Variants in ADARB1 observed in about 807,000 individuals in gnomAD.
ADARB1 encodes adenosine deaminase RNA specific B1, also known as double-stranded RNA-specific editase 1.
In ADARB1, 10 loss-of-function variants were observed where a neutral mutation model predicts 52.4. The observed-to-expected ratio is 0.19, with a 90% CI of 0.12 to 0.32. The LOEUF (loss-of-function observed/expected upper bound fraction) is 0.32, where lower values mean the gene tolerates loss of function less well. Ranked by LOEUF, ADARB1 falls within the 10% of genes least tolerant of loss-of-function variation. The pLI, the probability that ADARB1 is intolerant of heterozygous loss-of-function variation, is 1.00. For missense variants in ADARB1, 643 were observed against 922.3 expected (o/e 0.70, Z 3.92); for synonymous variants, 349 against 371.1 (o/e 0.94, Z 0.68).
At chr21:45,171,754 T>G in intron 3 of ADARB1, 70 bp downstream of exon 3, 1 of 1,409,840 alleles carries the variant, frequency 7.1e-7, no homozygotes, top group Non-Finnish European at 9.9e-7. Flanking sequence ...TTTTTGCAAA[T>G]GTATTTCATG....
At chr21:45,158,441 A>G (rs2090782381) in intron 2 of ADARB1, among the ~76,000 whole-genome samples, 2 of 152,224 alleles carry the variant, frequency 1.3e-5, no homozygotes, top group Admixed American at 6.5e-5. Context: ...TGTTAGGTGT[A>G]AAATATATAG....
At chr21:45,182,527 A>G (rs2091964847) in intron 5 of ADARB1, 58 bp from the exon 6 acceptor site, 4 of 1,549,020 alleles carry the variant, frequency 2.6e-6, no homozygotes, top group African/African-American at 1.4e-5. Context: ...TCAGGAGCAC[A>G]GTTAGGCAAA....
intron 9 of ADARB1, among the ~76,000 whole-genome samples, chr21:45,215,335 A>C (rs557437027): frequency 6.6e-5 from 10 of 152,138 alleles, no homozygotes; most frequent in Non-Finnish European, 1.2e-4. Context: ...GGAATGATCC[A>C]CCATATCTGG....
intron 1 of ADARB1, among the ~76,000 whole-genome samples, chr21:45,113,121 A>G (rs1489154038): frequency 6.6e-6 from 1 of 152,066 alleles, no homozygotes; most frequent in East Asian, 1.9e-4. Flanking sequence ...GTGATAGTGA[A>G]TTTTAAAATA....
At chr21:45,179,114 C>G (rs1041848846) in intron 4 of ADARB1, among the ~76,000 whole-genome samples, 4 of 152,090 alleles carry the variant, frequency 2.6e-5, no homozygotes, top group African/African-American at 9.7e-5. Flanking sequence ...AATGCGTCGC[C>G]CCTTCCCTCT....
intron 1 of ADARB1, among the ~76,000 whole-genome samples, chr21:45,092,514 A>T (rs1233972710): frequency 1.3e-5 from 2 of 152,176 alleles, no homozygotes; most frequent in African/African-American, 2.4e-5. Context: ...CCAAATCTTA[A>T]TCCTGGTAGG....
At chr21:45,123,295 A>G (rs75575265) in intron 1 of ADARB1, among the ~76,000 whole-genome samples, 9,813 of 118,070 alleles carry the variant, frequency 0.083, 373 homozygotes, top group East Asian at 0.19. Context: ...GTGTGTGTGT[A>G]TAATTAATTA....
At position 45,222,789 on chromosome 21, in the gene ADARB1, G is replaced by A; in HGVS notation, c.*592G>A. The A allele has an allele frequency of 1.0e-6, 1 of 985,596 alleles. No homozygotes were observed. Among genetic ancestry groups the A allele is most frequent in the Non-Finnish European group, 1.2e-6 (1 of 830,088 alleles). The allele number at this position is 985,596 out of a possible 1,614,324, so 61.1% of individuals were successfully genotyped here. On this transcript the variant is annotated 3_prime_UTR_variant, in exon 11 of 11. Coordinates refer to ENST00000348831, the MANE Select transcript of ADARB1 (RefSeq NM_001112.4). ...CCTCCCTGGGTAGTTCCACACACTAGGTTGTAACAGTCTCTCCCTGAGGAG... is the reference window on the plus strand; with the variant it reads ...CCTCCCTGGGTAGTTCCACACACTAAGTTGTAACAGTCTCTCCCTGAGGAG...
chr21:45,195,350 G>C (rs1336651219), intron 8 of ADARB1, among the ~76,000 whole-genome samples: 2 of 152,066 alleles, frequency 1.3e-5, no homozygotes, highest in African/African-American at 4.8e-5. Context: ...TTTTCTCCTA[G>C]TCTGTGGCTT....
Position 45,155,266 on chromosome 21 carries a change from C to T in ADARB1, c.-47-16344C>T, listed in dbSNP as rs144939946. ...AGGTCCAAACGTAGAGAGGCCTGCT[C>T]CCCCTGAGTACTTCTGGAGGAGAAG... On this transcript the variant is annotated intron_variant, in intron 2 of 10. Transcript: ENST00000348831. Among the ~76,000 whole-genome samples, 793 of 152,230 alleles carry T rather than the reference C, an allele frequency of 5.2e-3. 4 individuals carry two copies. Among genetic ancestry groups the T allele is most frequent in the Non-Finnish European group, 8.1e-3 (548 of 67,988 alleles).
chr21:45,174,682 AATAC>A (rs59024130), intron 3 of ADARB1, among the ~76,000 whole-genome samples: 58,040 of 148,626 alleles, frequency 0.39, 11,468 homozygotes, highest in Middle Eastern at 0.43. Flanking sequence ...CAGTCTCAAA[AATAC>A]ATACATACAT....
chr21:45,084,451 G>T (rs761174828), intron 1 of ADARB1, among the ~76,000 whole-genome samples: 1 of 152,212 alleles, frequency 6.6e-6, no homozygotes, highest in African/African-American at 2.4e-5. Context: ...TAGGAGGCAG[G>T]ATTGAGAGAG....
chr21:45,183,277 G>T, intron 6 of ADARB1, 85 bp from the exon 7 acceptor site: 1 of 1,320,024 alleles, frequency 7.6e-7, no homozygotes. Flanking sequence ...TTCCCTTGTG[G>T]AAAATACTAG....
At chr21:45,188,358 C>T (rs969140928) in intron 8 of ADARB1, among the ~76,000 whole-genome samples, 32 of 152,310 alleles carry the variant, frequency 2.1e-4, no homozygotes, top group Middle Eastern at 3.4e-3. Flanking sequence ...TCACCTGCCT[C>T]GGCCTCCCAA....
rs1164519974 is a variant in ADARB1 at position 45,224,117 on chromosome 21, CTG to C, written c.*1923_*1924del. Reference sequence around the variant, plus strand: ...ACTCTAGAAAAAACACCTTGTAAGTCTGTGCATTTTTATTGTCTTGATAAATT... The same window carrying C: ...ACTCTAGAAAAAACACCTTGTAAGTCTGCATTTTTATTGTCTTGATAAATT... On this transcript the variant is annotated 3_prime_UTR_variant, in exon 11 of 11. Coordinates refer to ENST00000348831, the MANE Select transcript of ADARB1 (RefSeq NM_001112.4). The C allele has an allele frequency of 3.0e-6, 3 of 985,406 alleles. No individual in the cohort carries two copies. Among genetic ancestry groups the C allele is most frequent in the Middle Eastern group, 5.2e-4 (1 of 1,914 alleles). 61.0% of individuals were successfully genotyped at this position (985,406 alleles called of 1,614,324 possible).
intron 8 of ADARB1, among the ~76,000 whole-genome samples, chr21:45,188,882 A>G (rs1013491931): frequency 6.6e-6 from 1 of 152,204 alleles, no homozygotes; most frequent in Non-Finnish European, 1.5e-5. Context: ...TTTACAAAAG[A>G]AAGAGGTTTA....
In ADARB1 at chr21:45,138,338, C is replaced by G. The variant is rs150419299; in HGVS notation, c.-48+9765C>G. Among the ~76,000 whole-genome samples the G allele has an allele frequency of 2.4e-3, 365 of 152,340 alleles. 13 individuals are homozygous for G. The East Asian group carries it at 0.065, about 27-fold the overall frequency. On this transcript the variant is annotated intron_variant, in intron 2 of 10. Coordinates refer to ENST00000348831, the MANE Select transcript of ADARB1 (RefSeq NM_001112.4). ...AAGGTCACAGCATGACTCACAGTAT[C>G]TTACACACCTTGGATGTATATACGC...
intron 1 of ADARB1, among the ~76,000 whole-genome samples, chr21:45,114,843 T>C (rs1392383950): frequency 1.3e-5 from 2 of 152,246 alleles, no homozygotes; most frequent in South Asian, 2.1e-4. Flanking sequence ...CTTGAGATGC[T>C]GCAGGGTGAC....
chr21:45,135,781 G>T (rs2089326370), intron 2 of ADARB1, among the ~76,000 whole-genome samples: 1 of 152,214 alleles, frequency 6.6e-6, no homozygotes, highest in African/African-American at 2.4e-5. Flanking sequence ...TCAGCAGAAA[G>T]GTGTGGCCAC....
Sources: allele counts gnomAD v4.1 joint callset (sites outside exome capture counted in the v4.1 genomes callset), GRCh38; gene constraint gnomAD v4.1.1; transcripts MANE v1.5; gene names NCBI Gene and HGNC (gene_info 2026-07-23, HGNC 2026-07-21).